Variants in AGBL1 observed in about 807,000 individuals in gnomAD.
AGBL1 encodes cytosolic carboxypeptidase 4.
Under a neutral mutation model 118.9 loss-of-function variants are expected in AGBL1, and 130 were observed. That is an observed-to-expected ratio of 1.09 (90% CI 0.95 to 1.26). AGBL1 has a LOEUF of 1.26. AGBL1 is among the 50% of genes most tolerant of loss of function. The pLI is 0.00. For synonymous variants in AGBL1, 555 were observed against 478.9 expected (o/e 1.16, Z -2.08); for missense variants, 1,584 against 1,298.1 (o/e 1.22, Z -3.38).
intron 22 of AGBL1, among the ~76,000 whole-genome samples, chr15:86,715,368 C>A (rs77131145): frequency 0.011 from 1,718 of 152,318 alleles, 19 homozygotes; most frequent in African/African-American, 0.033. Flanking sequence ...ATTGCAGCTC[C>A]TGCCCCTCAC....
chr15:86,415,599 T>C (rs1419572848), intron 18 of AGBL1, among the ~76,000 whole-genome samples: 4 of 152,212 alleles, frequency 2.6e-5, no homozygotes, highest in African/African-American at 7.2e-5. Flanking sequence ...TGAAGCCTTA[T>C]TAAGCTCTTT....
intron 18 of AGBL1, among the ~76,000 whole-genome samples, chr15:86,488,289 G>C (rs947205827): frequency 3.3e-5 from 5 of 151,988 alleles, no homozygotes; most frequent in African/African-American, 1.2e-4. Context: ...CAGCAACTAT[G>C]CATTCCATCC....
At chr15:86,930,986 G>T (rs2080597036) in intron 23 of AGBL1, among the ~76,000 whole-genome samples, 1 of 152,136 alleles carries the variant, frequency 6.6e-6, no homozygotes, top group Non-Finnish European at 1.5e-5. Context: ...CCACCAAACA[G>T]ATCTGCTGGC....
intron 23 of AGBL1, among the ~76,000 whole-genome samples, chr15:86,930,225 G>A (rs1314026064): frequency 6.6e-6 from 1 of 152,116 alleles, no homozygotes; most frequent in African/African-American, 2.4e-5. Flanking sequence ...TGCTGATAGG[G>A]TGACTTCAGG....
chr15:86,321,296 T>G (rs2141843552), intron 17 of AGBL1, among the ~76,000 whole-genome samples: 1 of 152,238 alleles, frequency 6.6e-6, no homozygotes, highest in African/African-American at 2.4e-5. Context: ...TATTTTCTGG[T>G]TTTCTTATTT....
At chr15:86,426,119 A>G (rs1236000025) in intron 18 of AGBL1, among the ~76,000 whole-genome samples, 1 of 152,180 alleles carries the variant, frequency 6.6e-6, no homozygotes, top group East Asian at 1.9e-4. Flanking sequence ...AGAAAACAGG[A>G]ACCAATATAG....
intron 18 of AGBL1, among the ~76,000 whole-genome samples, chr15:86,462,194 T>C (rs2082342920): frequency 6.6e-6 from 1 of 152,190 alleles, no homozygotes; most frequent in Non-Finnish European, 1.5e-5. Context: ...ATGACCTTTC[T>C]GAGCCTCTGT....
chr15:86,895,178 C>A (rs992206035), intron 22 of AGBL1, among the ~76,000 whole-genome samples: 1 of 148,738 alleles, frequency 6.7e-6, no homozygotes, highest in Non-Finnish European at 1.5e-5. Context: ...TCTTTCCCCC[C>A]TCTTTTCTTT....
At chr15:86,348,517 C>A (rs570394097) in intron 17 of AGBL1, among the ~76,000 whole-genome samples, 1 of 152,298 alleles carries the variant, frequency 6.6e-6, no homozygotes, top group South Asian at 2.1e-4. Context: ...CCGTGGCTTA[C>A]GCCTGTAATT....
At chr15:86,538,778 C>A (rs2083457463) in intron 19 of AGBL1, among the ~76,000 whole-genome samples, 1 of 152,310 alleles carries the variant, frequency 6.6e-6, no homozygotes, top group Non-Finnish European at 1.5e-5. Flanking sequence ...ATTGGCAAAG[C>A]AGAGCGGTAA....
chr15:86,440,484 G>GAAGAATAATAAT (rs137960742), intron 18 of AGBL1, among the ~76,000 whole-genome samples: 3 of 144,504 alleles, frequency 2.1e-5, no homozygotes, highest in African/African-American at 5.2e-5. Flanking sequence ...ATGGGATGGA[G>GAAGAATAATAAT]AATAATAATA....
At chr15:86,116,027 A>G (rs1567064347) in intron 1 of AGBL1, among the ~76,000 whole-genome samples, 1 of 152,238 alleles carries the variant, frequency 6.6e-6, no homozygotes, top group East Asian at 1.9e-4. Context: ...TATAGGAAGG[A>G]AAGTAAATAA....
At chr15:86,689,826 G>A (rs752727826) in intron 22 of AGBL1, among the ~76,000 whole-genome samples, 1 of 152,112 alleles carries the variant, frequency 6.6e-6, no homozygotes, top group African/African-American at 2.4e-5. Context: ...ATACTAAAAA[G>A]ATAAAAGTGG....
intron 17 of AGBL1, among the ~76,000 whole-genome samples, chr15:86,335,428 A>G (rs1191406261): frequency 6.6e-6 from 1 of 152,148 alleles, no homozygotes; most frequent in East Asian, 1.9e-4. Context: ...GTGACCCACC[A>G]TGCCTGGCCT....
intron 22 of AGBL1, among the ~76,000 whole-genome samples, chr15:86,884,592 A>T (rs563698991): frequency 1.6e-4 from 24 of 152,318 alleles, no homozygotes; most frequent in African/African-American, 5.8e-4. Flanking sequence ...CAGGCAGATC[A>T]CTTCAGTTCA....
chr15:86,444,816 A>C (rs1279490230), intron 18 of AGBL1, among the ~76,000 whole-genome samples: 1 of 152,184 alleles, frequency 6.6e-6, no homozygotes, highest in Non-Finnish European at 1.5e-5. Flanking sequence ...GTCCCATGAC[A>C]ACCACATTCC....
intron 18 of AGBL1, among the ~76,000 whole-genome samples, chr15:86,469,074 GT>G (rs149764970): frequency 0.037 from 5,681 of 151,748 alleles, 371 homozygotes; most frequent in African/African-American, 0.13. Flanking sequence ...CACAAAGTTT[GT>G]TTTTTTTGTG....
intron 18 of AGBL1, among the ~76,000 whole-genome samples, chr15:86,485,814 A>C (rs1246741179): frequency 6.6e-6 from 1 of 152,084 alleles, no homozygotes; most frequent in South Asian, 2.1e-4. Context: ...TCTTATTCTG[A>C]TCCAGGTGGC....
intron 4 of AGBL1, among the ~76,000 whole-genome samples, 145 bp from the exon 5 acceptor site, chr15:86,158,772 AGAATGACATTATAGAG>A (rs72394527): frequency 0.14 from 21,515 of 152,122 alleles, 1,968 homozygotes; most frequent in African/African-American, 0.25. Flanking sequence ...GGGAGACCCG[AGAATGACATTATAGAG>A]GAATGTGCAA....
Sources: allele counts gnomAD v4.1 joint callset (sites outside exome capture counted in the v4.1 genomes callset), GRCh38; gene constraint gnomAD v4.1.1; transcripts MANE v1.5; gene names NCBI Gene and HGNC (gene_info 2026-07-23, HGNC 2026-07-21).